Variants in PTP4A1 observed in about 807,000 individuals in gnomAD.
PTP4A1 encodes the protein protein tyrosine phosphatase type IVA 1.
Under a neutral mutation model 20.5 loss-of-function variants are expected in PTP4A1, and 9 were observed. That is an observed-to-expected ratio of 0.44 (90% CI 0.26 to 0.77). The LOEUF (loss-of-function observed/expected upper bound fraction) is 0.77. Among genes scored for constraint, PTP4A1 ranks in the 30% least tolerant of loss-of-function variants. The pLI, the probability that PTP4A1 is intolerant of heterozygous loss-of-function variation, is 0.19. For missense variants in PTP4A1, 137 were observed against 218.8 expected (o/e 0.63, Z 2.36); for synonymous variants, 78 against 67.4 (o/e 1.16, Z -0.77).
intron 1 of PTP4A1, among the ~76,000 whole-genome samples, chr6:63,522,980 A>G (rs975234910): frequency 2.0e-5 from 3 of 149,454 alleles, no homozygotes; most frequent in South Asian, 2.1e-4. Flanking sequence ...TTCTCCTGCC[A>G]CAGCCTCCGG....
intron 3 of PTP4A1, among the ~76,000 whole-genome samples, chr6:63,552,117 C>T (rs1346948601): frequency 3.3e-5 from 5 of 152,196 alleles, no homozygotes; most frequent in African/African-American, 1.2e-4. Context: ...GGAATCGCCA[C>T]ACTGACTTCC....
At chr6:63,518,303 C>A (rs1246879375), upstream of PTP4A1, among the ~76,000 whole-genome samples, 2 of 152,170 alleles carry the variant, frequency 1.3e-5, no homozygotes, top group African/African-American at 2.4e-5. Context: ...AACATCAATT[C>A]TCTTGCTTGT....
intron 3 of PTP4A1, among the ~76,000 whole-genome samples, chr6:63,559,944 G>C (rs557437280): frequency 2.1e-3 from 316 of 152,112 alleles, no homozygotes; most frequent in Non-Finnish European, 2.6e-3. Flanking sequence ...GTTTTTTCGT[G>C]ACAACAGCAA....
chr6:63,542,022 GGT>G (rs72091849), intron 2 of PTP4A1, among the ~76,000 whole-genome samples: 48,729 of 146,570 alleles, frequency 0.33, 8,616 homozygotes, highest in Middle Eastern at 0.42. Context: ...AAGAAACTGT[GGT>G]GTGTGTGTGT....
At chr6:63,579,178 G>A (rs1257226941) in intron 4 of PTP4A1, 79 bp from the exon 5 acceptor site, 5 of 1,461,682 alleles carry the variant, frequency 3.4e-6, no homozygotes, top group South Asian at 2.5e-5. Flanking sequence ...ATACTTCTGA[G>A]TTGGGGAATG....
intron 3 of PTP4A1, among the ~76,000 whole-genome samples, chr6:63,567,076 T>C (rs954767344): frequency 9.9e-5 from 15 of 152,198 alleles, no homozygotes; most frequent in African/African-American, 3.6e-4. Flanking sequence ...CTTGCTATTT[T>C]CACCATATTT....
chr6:63,556,295 A>G (rs947154648), intron 3 of PTP4A1, among the ~76,000 whole-genome samples: 1 of 151,890 alleles, frequency 6.6e-6, no homozygotes, highest in African/African-American at 2.4e-5. Context: ...AGTAGCTAGG[A>G]ATACAGGTGT....
Position 63,549,249 on chromosome 6 carries a change from A to G in PTP4A1, c.-639-1051A>G, listed in dbSNP as rs995567155. The G allele has an allele frequency of 6.7e-6, 5 of 745,158 alleles. No individual in the cohort carries two copies. In the African/African-American group the frequency reaches 8.6e-5, roughly 13 times the overall value. The allele number at this position is 745,158 out of a possible 1,614,324, so 46.2% of individuals were successfully genotyped here. On this transcript the variant is annotated intron_variant, in intron 2 of 3. Transcript: ENST00000639568. ...TAGCAGAGCAGCTGTTTGGTGGTCC[A>G]GGGCCTGGGTGAACTGGTTAATCTC...
At chr6:63,569,719 G>C (rs543141086), upstream of PTP4A1, among the ~76,000 whole-genome samples, 3 of 152,218 alleles carry the variant, frequency 2.0e-5, no homozygotes, top group Non-Finnish European at 4.4e-5. Context: ...TGTTTAGCAG[G>C]AGAGAAAATC....
intron 2 of PTP4A1, among the ~76,000 whole-genome samples, chr6:63,528,393 A>G (rs1284906533): frequency 1.1e-4 from 17 of 151,738 alleles, no homozygotes; most frequent in Admixed American, 1.1e-3. Flanking sequence ...CCCAGCAATT[A>G]GAAATCAGCC....
chr6:63,578,358 G>A (rs1778007381), intron 2 of PTP4A1, 79 bp from the exon 3 acceptor site: 1 of 1,441,382 alleles, frequency 6.9e-7, no homozygotes, highest in Non-Finnish European at 9.3e-7. Flanking sequence ...TTACTGATCA[G>A]AGATGATCAG....
At chr6:63,551,570 G>T (rs915650746) in intron 3 of PTP4A1, among the ~76,000 whole-genome samples, 1 of 151,764 alleles carries the variant, frequency 6.6e-6, no homozygotes, top group Non-Finnish European at 1.5e-5. Context: ...AAGTTCTAGG[G>T]TACATGTGCA....
upstream of PTP4A1, chr6:63,572,249 G>A (rs1777473499): frequency 5.8e-6 from 1 of 173,868 alleles, no homozygotes; most frequent in Admixed American, 6.3e-5. Flanking sequence ...CTGCATCCCG[G>A]AGCACTCCCG....
intron 2 of PTP4A1, among the ~76,000 whole-genome samples, chr6:63,549,802 G>T (rs1776355967): frequency 6.6e-6 from 1 of 152,144 alleles, no homozygotes; most frequent in Admixed American, 6.6e-5. Context: ...TATACTAGAG[G>T]CTTGGAAGGG....
chr6:63,548,096 G>A (rs536489048), intron 2 of PTP4A1, among the ~76,000 whole-genome samples: 3 of 152,150 alleles, frequency 2.0e-5, no homozygotes, highest in Admixed American at 6.5e-5. Flanking sequence ...ACTCAGCTCC[G>A]AGGTCATAAC....
intron 1 of PTP4A1, among the ~76,000 whole-genome samples, chr6:63,574,737 C>G (rs1406689918): frequency 1.3e-5 from 2 of 152,012 alleles, no homozygotes; most frequent in Admixed American, 6.6e-5. Context: ...CATTATAAAG[C>G]TTTTAAAGAT....
chr6:63,575,818 CAG>C (rs1416879593), intron 1 of PTP4A1, among the ~76,000 whole-genome samples: 20 of 151,932 alleles, frequency 1.3e-4, no homozygotes, highest in African/African-American at 4.6e-4. Flanking sequence ...GGAATGATAA[CAG>C]ATTGTTAAGG....
intron 3 of PTP4A1, among the ~76,000 whole-genome samples, chr6:63,566,040 TA>T (rs1777177776): frequency 6.6e-6 from 1 of 152,236 alleles, no homozygotes; most frequent in Non-Finnish European, 1.5e-5. Context: ...GTTTCCCATT[TA>T]CACTACATTG....
intron 2 of PTP4A1, among the ~76,000 whole-genome samples, chr6:63,536,701 G>A (rs1249187972): frequency 1.3e-5 from 2 of 152,026 alleles, no homozygotes; most frequent in Non-Finnish European, 2.9e-5. Context: ...TTTCTTTATA[G>A]TATTTCCTAC....
Sources: gnomAD v4.1 joint callset for allele counts (sites outside exome capture counted in the v4.1 genomes callset) on GRCh38, gnomAD v4.1.1 for gene constraint, MANE v1.5 for transcripts, NCBI Gene and HGNC (gene_info 2026-07-23, HGNC 2026-07-21) for gene names.